The following PCM1 variants were observed in gnomAD, a reference collection of about 807,000 sequenced individuals.
PCM1 encodes pericentriolar material 1.
PCM1 carries 157 observed loss-of-function variants against 241.9 expected under a neutral mutation model. That is an observed-to-expected ratio of 0.65 (90% CI 0.57 to 0.74). The LOEUF is 0.74. Among genes scored for constraint, PCM1 ranks in the 30% least tolerant of loss-of-function variants. The pLI is 0.00. For missense variants in PCM1, 3,478 were observed against 2,360.1 expected (o/e 1.47, Z -9.81); for synonymous variants, 1,085 against 784.9 (o/e 1.38, Z -6.39).
intron 36 of PCM1, among the ~76,000 whole-genome samples, chr8:18,018,380 A>G (rs1456517663): frequency 6.6e-6 from 1 of 152,214 alleles, no homozygotes; most frequent in Admixed American, 6.5e-5. Flanking sequence ...TAAAAGTGGT[A>G]AGCCTATAAA....
chr8:18,019,190 C>G (rs1452988285), intron 36 of PCM1, among the ~76,000 whole-genome samples: 2 of 151,988 alleles, frequency 1.3e-5, no homozygotes, highest in Non-Finnish European at 2.9e-5. Context: ...TTGTTTTTCT[C>G]AGACATTATA....
intron 28 of PCM1, among the ~76,000 whole-genome samples, chr8:17,992,610 C>CTTT (rs71545503): frequency 6.5e-4 from 84 of 128,432 alleles, no homozygotes; most frequent in Non-Finnish European, 1.1e-3. Flanking sequence ...ACTACTACTA[C>CTTT]TTTTTTTTTT....
chr8:17,968,730 A>ATGTGTG (rs551909289), intron 21 of PCM1, among the ~76,000 whole-genome samples: 4,685 of 134,552 alleles, frequency 0.035, 88 homozygotes, highest in African/African-American at 0.046. Context: ...GGATGTATAT[A>ATGTGTG]TGTGTGTGTG....
At chr8:17,950,236 C>A (rs549027776) in intron 7 of PCM1, among the ~76,000 whole-genome samples, 11 of 152,308 alleles carry the variant, frequency 7.2e-5, no homozygotes, top group African/African-American at 2.6e-4. Context: ...TGATTCTATT[C>A]AAGAACATGG....
At chr8:18,018,871 T>TAC (rs1339352385) in intron 36 of PCM1, among the ~76,000 whole-genome samples, 15 of 63,930 alleles carry the variant, frequency 2.3e-4, no homozygotes, top group East Asian at 2.2e-3. Context: ...TATATATATA[T>TAC]ATATATATAC....
chr8:17,928,912 G>T (rs771655126), intron 2 of PCM1, among the ~76,000 whole-genome samples: 2 of 152,032 alleles, frequency 1.3e-5, no homozygotes, highest in Admixed American at 1.3e-4. Flanking sequence ...TATTACAGGC[G>T]TGAGCCACCG....
chr8:17,923,493 G>T (rs11989432), intron 1 of PCM1, among the ~76,000 whole-genome samples: 6,194 of 152,270 alleles, frequency 0.041, 155 homozygotes, highest in East Asian at 0.079. Context: ...CTGCGTCCCG[G>T]TGGCTCCGGC....
rs2094327357 is a variant in PCM1 at position 18,027,573 on chromosome 8, G to T, written c.6050-64G>T. On this transcript the variant is annotated intron_variant, in intron 38 of 38. Coordinates refer to ENST00000325083, the MANE Select transcript of PCM1 (RefSeq NM_006197.4). ...TAAAAGTAAAAGCTTTAATGACAGA[G>T]AACAATGTTAAATTCTAGTAATTCG... 4 of 1,162,708 alleles carry T rather than the reference G, an allele frequency of 3.4e-6. No individual in the cohort carries two copies. In the East Asian group the frequency reaches 7.2e-5, roughly 21 times the overall value. The allele number at this position is 1,162,708 out of a possible 1,614,324, so 72.0% of individuals were successfully genotyped here. A position where few individuals can be genotyped will look rare whatever the true frequency, so the allele number is the denominator to read the frequency against.
chr8:17,970,100 C>G (rs1297127826), intron 22 of PCM1, among the ~76,000 whole-genome samples: 1 of 151,684 alleles, frequency 6.6e-6, no homozygotes. Context: ...TTTTTTGATT[C>G]CTAGCTCTTG....
At chr8:17,990,471 TTTTG>T (rs1032921942) in intron 27 of PCM1, among the ~76,000 whole-genome samples, 3 of 151,804 alleles carry the variant, frequency 2.0e-5, no homozygotes, top group South Asian at 2.1e-4. Context: ...GGTTGTTTTT[TTTTG>T]TTTGTTTGGG....
At chr8:17,985,020 C>CT (rs1178751171) in intron 24 of PCM1, among the ~76,000 whole-genome samples, 2 of 151,806 alleles carry the variant, frequency 1.3e-5, no homozygotes, top group Admixed American at 1.3e-4. Flanking sequence ...TCAGTTTATT[C>CT]TTTTTAACAT....
chr8:18,008,472 T>C (rs918017632), intron 30 of PCM1, among the ~76,000 whole-genome samples: 7 of 152,092 alleles, frequency 4.6e-5, no homozygotes, highest in African/African-American at 9.7e-5. Context: ...TCAGTCAATG[T>C]AATGTGCTTG....
chr8:18,008,365 A>G (rs1230769548), intron 30 of PCM1, among the ~76,000 whole-genome samples: 1 of 151,954 alleles, frequency 6.6e-6, no homozygotes, highest in Non-Finnish European at 1.5e-5. Flanking sequence ...GAGACCATCT[A>G]GTTGCAGGAA....
intron 24 of PCM1, among the ~76,000 whole-genome samples, chr8:17,982,333 T>C (rs2081136209): frequency 6.6e-6 from 1 of 152,162 alleles, no homozygotes; most frequent in Non-Finnish European, 1.5e-5. Flanking sequence ...ACTGAAAGTC[T>C]TAATAAACTG....
intron 13 of PCM1, 128 bp from the exon 14 acceptor site, chr8:17,959,886 C>G (rs2070843631): frequency 1.2e-5 from 10 of 808,430 alleles, no homozygotes; most frequent in African/African-American, 1.8e-5. Context: ...CACATGTATA[C>G]AAACGTGCTT....
At chr8:17,992,094 G>A (rs1046643328) in intron 28 of PCM1, among the ~76,000 whole-genome samples, 1 of 151,664 alleles carries the variant, frequency 6.6e-6, no homozygotes, top group Non-Finnish European at 1.5e-5. Context: ...AAATATATCT[G>A]TCTATCTACA....
Position 18,027,740 on chromosome 8 carries a change from A to C in PCM1, c.*78A>C, listed in dbSNP as rs1439718248. The C allele has an allele frequency of 1.9e-6, 2 of 1,031,612 alleles. No homozygotes were observed. Among genetic ancestry groups the C allele is most frequent in the Non-Finnish European group, 2.9e-6 (2 of 696,672 alleles). The allele number at this position is 1,031,612 out of a possible 1,614,324, so 63.9% of individuals were successfully genotyped here. On this transcript the variant is annotated 3_prime_UTR_variant, in exon 39 of 39. Coordinates refer to ENST00000325083, the MANE Select transcript of PCM1 (RefSeq NM_006197.4). ...GAAAACAATACTAAATAAACATCTG[A>C]TCTGTATAAAAATGTAAATTAGTTT...
In PCM1 at chr8:17,964,739, C is replaced by G. The variant is rs765390198; in HGVS notation, c.2826C>G (p.Asn942Lys). ...GTCCTTCTAACAGTGTGAATCATAA[C>G]TCCTACAATGGAAAGGAAACTAAAA... is the stretch of plus-strand genomic sequence containing the variant. Reference protein sequence around the residue: ...SVCPSNSVNHNSYNGKETKNR... With the variant: ...SVCPSNSVNHKSYNGKETKNR... The change falls in exon 18 of 39, where the codon AAC becomes AAG. Residue 942 changes from asparagine (N) to lysine (K), a missense_variant. Coordinates refer to ENST00000325083, the MANE Select transcript of PCM1 (RefSeq NM_006197.4). 4 of 1,613,608 alleles carry G rather than the reference C, an allele frequency of 2.5e-6. No homozygotes were observed. The highest frequency in any genetic ancestry group is 2.7e-5 in the African/African-American group (2 of 75,038).
intron 36 of PCM1, among the ~76,000 whole-genome samples, chr8:18,018,805 G>A (rs1186657447): frequency 3.8e-5 from 5 of 132,650 alleles, no homozygotes; most frequent in Admixed American, 8.1e-5. Context: ...GCCAGATTCC[G>A]TCTCAAAAAA....
Sources: allele counts gnomAD v4.1 joint callset (sites outside exome capture counted in the v4.1 genomes callset), GRCh38; gene constraint gnomAD v4.1.1; transcripts MANE v1.5; gene names NCBI Gene and HGNC (gene_info 2026-07-23, HGNC 2026-07-21).